Variants in SHISA9 observed in about 807,000 individuals in gnomAD.
The protein encoded by SHISA9 is shisa family member 9, also known as protein shisa-9.
A neutral mutation model predicts 38.0 loss-of-function variants in SHISA9; 13 were observed. The observed-to-expected ratio is 0.34, with a 90% CI of 0.22 to 0.54. SHISA9 has a LOEUF of 0.54. Ranked by LOEUF, SHISA9 falls within the 20% of genes least tolerant of loss-of-function variation. The pLI, the probability that SHISA9 is intolerant of heterozygous loss-of-function variation, is 0.91. For synonymous variants in SHISA9, 275 were observed against 242.0 expected, an observed-to-expected ratio of 1.14 and a Z score of -1.27; for missense variants, 538 against 575.8, an observed-to-expected ratio of 0.93 and a Z score of 0.67.
intron 4 of SHISA9, among the ~76,000 whole-genome samples, chr16:13,233,499 A>G (rs1050191813): frequency 6.6e-6 from 1 of 152,254 alleles, no homozygotes; most frequent in Non-Finnish European, 1.5e-5. Flanking sequence ...TTTTTAAAGA[A>G]GGACTGGGTA....
At chr16:13,045,263 T>C (rs1174918978) in intron 2 of SHISA9, among the ~76,000 whole-genome samples, 3 of 152,232 alleles carry the variant, frequency 2.0e-5, no homozygotes, top group African/African-American at 7.2e-5. Context: ...ACACATATTA[T>C]TTCATTGAAT....
chr16:13,056,265 G>A (rs959812696), intron 2 of SHISA9, among the ~76,000 whole-genome samples: 4 of 152,236 alleles, frequency 2.6e-5, no homozygotes, highest in African/African-American at 9.6e-5. Flanking sequence ...TGTGCTGGGG[G>A]TGTATACTTG....
chr16:13,430,421 C>T, the SHISA9 span, among the ~76,000 whole-genome samples: 140 of 152,244 alleles, frequency 9.2e-4, no homozygotes, highest in African/African-American at 3.3e-3. Flanking sequence ...TCCGGTGGGC[C>T]TGAAGCCCAG....
the SHISA9 span, among the ~76,000 whole-genome samples, chr16:13,288,513 C>T: frequency 6.6e-6 from 1 of 151,930 alleles, no homozygotes; most frequent in Non-Finnish European, 1.5e-5. Context: ...GATCTGTTTT[C>T]GGCCAGGTGG....
At chr16:13,161,158 A>G (rs1462460529) in intron 2 of SHISA9, among the ~76,000 whole-genome samples, 1 of 152,172 alleles carries the variant, frequency 6.6e-6, no homozygotes, top group East Asian at 1.9e-4. Flanking sequence ...AGAGAATTAT[A>G]GTCTATTGTG....
the SHISA9 span, among the ~76,000 whole-genome samples, chr16:13,444,875 T>G: frequency 2.0e-5 from 3 of 150,744 alleles, no homozygotes; most frequent in African/African-American, 7.3e-5. Flanking sequence ...TGGAGTGCAG[T>G]GGTGCAACCT....
the SHISA9 span, among the ~76,000 whole-genome samples, chr16:13,272,437 A>C: frequency 1.3e-5 from 2 of 151,994 alleles, no homozygotes; most frequent in Non-Finnish European, 2.9e-5. Flanking sequence ...TATGTTACCC[A>C]GGCTGGTCTT....
the SHISA9 span, among the ~76,000 whole-genome samples, chr16:13,326,565 A>C: frequency 6.6e-6 from 1 of 152,158 alleles, no homozygotes; most frequent in Non-Finnish European, 1.5e-5. Flanking sequence ...TACTAAACCT[A>C]CAAAACTTAG....
At chr16:13,353,290 C>G in the SHISA9 span, among the ~76,000 whole-genome samples, 1 of 151,950 alleles carries the variant, frequency 6.6e-6, no homozygotes. Context: ...AACTGAAAAA[C>G]TAAATGGAAT....
chr16:13,231,341 T>C (rs919613544), intron 4 of SHISA9, among the ~76,000 whole-genome samples: 1 of 152,208 alleles, frequency 6.6e-6, no homozygotes, highest in African/African-American at 2.4e-5. Context: ...TAATGACATA[T>C]AAATTTTGAT....
the SHISA9 span, among the ~76,000 whole-genome samples, chr16:13,299,973 G>T: frequency 6.6e-6 from 1 of 152,140 alleles, no homozygotes; most frequent in Admixed American, 6.5e-5. Context: ...CCAGGTAGGA[G>T]TGTGGTTGCT....
the SHISA9 span, among the ~76,000 whole-genome samples, chr16:13,443,887 C>T: frequency 1.6e-4 from 25 of 152,296 alleles, no homozygotes; most frequent in African/African-American, 5.8e-4. Flanking sequence ...TGTTTAAACA[C>T]AGTTTCCTTC....
chr16:13,348,743 T>G, the SHISA9 span, among the ~76,000 whole-genome samples: 1 of 152,008 alleles, frequency 6.6e-6, no homozygotes, highest in East Asian at 2.0e-4. Context: ...AGTGGGATCC[T>G]GTAGGACAAT....
chr16:13,251,384 G>A, the SHISA9 span, among the ~76,000 whole-genome samples: 1 of 152,156 alleles, frequency 6.6e-6, no homozygotes, highest in Non-Finnish European at 1.5e-5. Context: ...TACCCAGTTA[G>A]CACCTGGCCT....
chr16:12,918,195 C>G (rs536061901), intron 2 of SHISA9, among the ~76,000 whole-genome samples: 1 of 152,260 alleles, frequency 6.6e-6, no homozygotes, highest in South Asian at 2.1e-4. Context: ...CATAGCCCCC[C>G]GAAGATATGG....
chr16:12,908,709 C>A, intron 1 of SHISA9: 1 of 1,477,556 alleles, frequency 6.8e-7, no homozygotes, highest in South Asian at 1.4e-5. Context: ...GGGGCCAGTT[C>A]AAGAAGCTAC....
intron 2 of SHISA9, among the ~76,000 whole-genome samples, chr16:13,049,153 AGTATGTGTGTGTGTGTGTGTGTGTGT>A (rs1193596112): frequency 1.4e-5 from 2 of 138,406 alleles, no homozygotes; most frequent in African/African-American, 2.6e-5. Flanking sequence ...TTTGGTTAGG[AGTATGTGTGTGTGTGTGTGTGTGTGT>A]GTGTGTGTGT....
chr16:12,902,550 C>A lies in SHISA9; in HGVS notation c.486C>A (p.Ala162=), dbSNP rs370699466. 1.3e-6 allele frequency: 2 copies of A among 1,551,300 alleles called. No individual in the cohort carries two copies. Among genetic ancestry groups the A allele is most frequent in the Non-Finnish European group, 1.7e-6 (2 of 1,146,996 alleles). ...LIVYIICGVV[A]VMVLVGIFTK... The stretch of plus-strand genomic sequence containing the variant: ...TCTACATCATCTGCGGGGTGGTGGC[C>A]GTCATGGTGCTCGTGGGCATCTTCA... Residue 162 remains alanine, a synonymous_variant, in exon 1 of 5, where the codon GCC becomes GCA. Transcript: ENST00000558583.
chr16:13,503,064 G>A, the SHISA9 span, among the ~76,000 whole-genome samples: 1 of 152,136 alleles, frequency 6.6e-6, no homozygotes, highest in African/African-American at 2.4e-5. Context: ...GTTCTCAAAG[G>A]GAAGGATATT....
Sources: gnomAD v4.1 joint callset for allele counts (sites outside exome capture counted in the v4.1 genomes callset) on GRCh38, gnomAD v4.1.1 for gene constraint, MANE v1.5 for transcripts, NCBI Gene and HGNC (gene_info 2026-07-23, HGNC 2026-07-21) for gene names.